LYST: variants seen among roughly 807,000 people sequenced by gnomAD.
LYST encodes lysosomal-trafficking regulator.
LYST carries 192 observed loss-of-function variants against 413.6 expected under a neutral mutation model. The ratio of observed to expected loss-of-function variants is 0.46; its 90% CI spans 0.41 to 0.52. The LOEUF is 0.52. Ranked by LOEUF, LYST falls within the 20% of genes least tolerant of loss-of-function variation. The pLI, the probability that LYST is intolerant of heterozygous loss-of-function variation, is 0.00. For missense variants in LYST, 3,815 were observed against 4,499.9 expected, an observed-to-expected ratio of 0.85 and a Z score of 4.35; for synonymous variants, 1,525 against 1,567.3, an observed-to-expected ratio of 0.97 and a Z score of 0.64.
At chr1:235,866,782 C>G (rs1558365688) in intron 1 of LYST, 61 bp downstream of exon 1, 1 of 152,332 alleles carries the variant, frequency 6.6e-6, no homozygotes, top group African/African-American at 2.4e-5. Flanking sequence ...CCAGGCCACG[C>G]AGAGGGGCCG....
chr1:235,732,742 T>C (rs899579445), intron 34 of LYST, among the ~76,000 whole-genome samples: 3 of 152,346 alleles, frequency 2.0e-5, no homozygotes, highest in Admixed American at 1.3e-4. Context: ...GTAATTCATT[T>C]GTCTTATGTG....
chr1:235,780,459 G>A (rs1047728248), intron 16 of LYST, among the ~76,000 whole-genome samples: 1 of 151,506 alleles, frequency 6.6e-6, no homozygotes, highest in Non-Finnish European at 1.5e-5. Context: ...CTGAATACAT[G>A]TAACTAAAAC....
rs571957167 is a variant in LYST, at chr1:235,851,255, G to A, written c.-98+15588C>T. On this transcript the variant is annotated intron_variant, in intron 1 of 52. Transcript: ENST00000389793. ...GGAATGAATTAACAGCATCTGCAGTGACCTGGATGAGACTGGAGACTATTA... is the reference window on the plus strand; with the variant it reads ...GGAATGAATTAACAGCATCTGCAGTAACCTGGATGAGACTGGAGACTATTA... 2.6e-5 allele frequency among the ~76,000 whole-genome samples: 4 copies of A among 152,202 alleles called. No individual in the cohort carries two copies. In the East Asian group the frequency reaches 7.7e-4, roughly 29 times the overall value.
rs76816584 is a variant in LYST, at chr1:235,716,469, C to T, written c.9627+243G>A. On this transcript the variant is annotated intron_variant, in intron 41 of 52. Coordinates refer to ENST00000389793, the MANE Select transcript of LYST (RefSeq NM_000081.4). ...TGTGACTACTAAATACTGGAATAAA[C>T]AATGAGTTACTGGCTTTCAATTTAT... Among the ~76,000 whole-genome samples, 2,172 of 152,234 alleles carry T rather than the reference C, an allele frequency of 0.014. 47 individuals are homozygous for T. Among genetic ancestry groups the T allele is most frequent in the African/African-American group, 0.046 (1,907 of 41,540 alleles).
At chr1:235,824,778 T>C (rs1421661672) in intron 3 of LYST, among the ~76,000 whole-genome samples, 4 of 152,064 alleles carry the variant, frequency 2.6e-5, no homozygotes, top group South Asian at 4.1e-4. Context: ...TCCCAGCACT[T>C]TGGGTGGCTG....
Position 235,842,244 on chromosome 1 carries a change from G to A in LYST, c.-97-8577C>T, listed in dbSNP as rs1212796971. On this transcript the variant is annotated intron_variant, in intron 1 of 52. Transcript: ENST00000389793. ...AAAGAAAGAGGCCAGGAAAATAAAT[G>A]TTGATAGACAAGCAGAAAATCCAGG... Among the ~76,000 whole-genome samples the A allele has an allele frequency of 2.0e-5, 3 of 152,024 alleles. No homozygotes were observed. In the East Asian group the frequency reaches 5.8e-4, roughly 29 times the overall value.
At chr1:235,736,509 G>C (rs886394654) in intron 31 of LYST, 1 of 152,112 alleles carries the variant, frequency 6.6e-6, no homozygotes, top group African/African-American at 2.4e-5. Flanking sequence ...ATGTGAAGAG[G>C]TTGCAAGACA....
intron 45 of LYST, among the ~76,000 whole-genome samples, chr1:235,701,076 G>C (rs1006511937): frequency 2.6e-5 from 4 of 152,170 alleles, no homozygotes; most frequent in Admixed American, 2.0e-4. Context: ...CTCTGAGGAA[G>C]AGATGTCTGA....
chr1:235,841,088 A>T (rs762118926), intron 1 of LYST, among the ~76,000 whole-genome samples: 29 of 150,666 alleles, frequency 1.9e-4, no homozygotes, highest in Non-Finnish European at 3.4e-4. Context: ...GCCAGTGACT[A>T]ACTTCTTTAC....
rs559177510 is a variant in LYST, at chr1:235,674,003, T to A, written c.11038+3088A>T. Among the ~76,000 whole-genome samples, 1 of 152,232 alleles carries A rather than the reference T, an allele frequency of 6.6e-6. No homozygotes were observed. The highest frequency in any genetic ancestry group is 2.1e-4 in the South Asian group (1 of 4,824). ...TTGGATGGTCCTCCGACCCACAGAA[T>A]ATGAACTGCATAGCAGCTCTCTTCC... On this transcript the variant is annotated intron_variant, in intron 50 of 52. Coordinates refer to ENST00000389793, the MANE Select transcript of LYST (RefSeq NM_000081.4). The surrounding 1 kb of genome is among the most constrained non-coding windows in gnomAD (Gnocchi z 4.1).
At chr1:235,758,076 G>A (rs1474384917) in intron 23 of LYST, among the ~76,000 whole-genome samples, 2 of 152,138 alleles carry the variant, frequency 1.3e-5, no homozygotes, top group Non-Finnish European at 2.9e-5. Context: ...AATGCTGCTG[G>A]GTTTAGCCCA....
At chr1:235,675,547 G>A (rs953283624) in intron 50 of LYST, among the ~76,000 whole-genome samples, 5 of 151,920 alleles carry the variant, frequency 3.3e-5, no homozygotes, top group African/African-American at 9.7e-5. Flanking sequence ...TTTTCTTTAC[G>A]GCACCAAGCA....
chr1:235,731,730 ATT>A (rs984457495), intron 34 of LYST, among the ~76,000 whole-genome samples: 1 of 151,258 alleles, frequency 6.6e-6, no homozygotes, highest in Non-Finnish European at 1.5e-5. Flanking sequence ...TAATTTTTGT[ATT>A]TTTTTAGTAG....
intron 1 of LYST, among the ~76,000 whole-genome samples, chr1:235,880,664 T>C (rs1681338319): frequency 6.6e-6 from 1 of 152,224 alleles, no homozygotes; most frequent in African/African-American, 2.4e-5. Context: ...TCCTTCTCTG[T>C]GCCTATTCCT....
In LYST at chr1:235,782,131, G is replaced by A. The variant is rs531750244; in HGVS notation, c.4863-44C>T. 556 of 1,504,440 alleles carry A rather than the reference G, an allele frequency of 3.7e-4. 14 individuals are homozygous for A. The South Asian group carries it at 6.2e-3, about 17-fold the overall frequency. 93.2% of individuals were successfully genotyped at this position (1,504,440 alleles called of 1,614,324 possible). ...AAAGTTAAAGCAATGACTTTAGGAA[G>A]TCTAGTACTAAGTATTTTTAAAGTA... is the stretch of plus-strand genomic sequence containing the variant. On this transcript the variant is annotated intron_variant, in intron 14 of 52. Coordinates refer to ENST00000389793, the MANE Select transcript of LYST (RefSeq NM_000081.4).
At chr1:235,828,349 G>A in intron 3 of LYST, 1 of 162,134 alleles carries the variant, frequency 6.2e-6, no homozygotes, top group Non-Finnish European at 1.3e-5. Context: ...AATTAACTGT[G>A]GTGACAGATG....
intron 41 of LYST, among the ~76,000 whole-genome samples, chr1:235,716,387 A>G (rs1054650784): frequency 6.6e-6 from 1 of 152,208 alleles, no homozygotes; most frequent in Non-Finnish European, 1.5e-5. Context: ...TTACATAAAT[A>G]ACACTAGGGG....
chr1:235,853,457 A>T lies in LYST; in HGVS notation c.-98+13386T>A, dbSNP rs138093488. Reference sequence around the variant, plus strand: ...AAAGTAGAAAAATGTGTTTAATGAAATATTTCCAATTTATGTAGAATTGTG... The same window carrying T: ...AAAGTAGAAAAATGTGTTTAATGAATTATTTCCAATTTATGTAGAATTGTG... On this transcript the variant is annotated intron_variant, in intron 1 of 52. Coordinates refer to ENST00000389793, the MANE Select transcript of LYST (RefSeq NM_000081.4). Among the ~76,000 whole-genome samples the T allele has an allele frequency of 3.7e-4, 56 of 152,210 alleles. No individual in the cohort carries two copies. The East Asian group carries it at 0.01, about 27-fold the overall frequency.
chr1:235,755,441 A>G, intron 25 of LYST, 37 bp downstream of exon 25: 1 of 1,530,570 alleles, frequency 6.5e-7, no homozygotes, highest in Non-Finnish European at 9.1e-7. Flanking sequence ...AAAAGACAAA[A>G]GATTCCCAAT....
Sources: allele counts gnomAD v4.1 joint callset (sites outside exome capture counted in the v4.1 genomes callset), GRCh38; gene constraint gnomAD v4.1.1; non-coding constraint Gnocchi (gnomAD v3.1); transcripts MANE v1.5; gene names NCBI Gene and HGNC (gene_info 2026-07-23, HGNC 2026-07-21).